SFSWAP: variants seen among roughly 807,000 people sequenced by gnomAD.
SFSWAP encodes the protein splicing factor, suppressor of white-apricot homolog.
In SFSWAP, 17 loss-of-function variants were observed where a neutral mutation model predicts 100.7. That is an observed-to-expected ratio of 0.17 (90% CI 0.12 to 0.25). The LOEUF is 0.25. SFSWAP is among the 10% of genes least tolerant of loss of function. SFSWAP has a pLI of 1.00. For missense variants in SFSWAP, 1,005 were observed against 1,262.6 expected (o/e 0.80, Z 3.09); for synonymous variants, 504 against 510.1 (o/e 0.99, Z 0.16).
chr12:131,727,984 A>G (rs1240318608), intron 6 of SFSWAP, among the ~76,000 whole-genome samples: 1 of 152,234 alleles, frequency 6.6e-6, no homozygotes, highest in Non-Finnish European at 1.5e-5. Context: ...TCCTATAAGG[A>G]AAGACAGTTT....
In SFSWAP at chr12:131,778,464, G is replaced by A; in HGVS notation, c.2408+134G>A. On this transcript the variant is annotated intron_variant, in intron 14 of 17. Coordinates refer to ENST00000261674, the MANE Select transcript of SFSWAP (RefSeq NM_004592.4). This position sits in a 1 kb window ranked among gnomAD's most constrained non-coding sequence, Gnocchi z 4.2. ...AGCAGACGCGTGTATGCATGTGCAT[G>A]TGTGCCCTGCAAGTCCAAGTAAGAT... 1 of 1,334,932 alleles carries A rather than the reference G, an allele frequency of 7.5e-7. No homozygotes were observed. Among genetic ancestry groups the A allele is most frequent in the Non-Finnish European group, 1.0e-6 (1 of 986,298 alleles). 82.7% of individuals were successfully genotyped at this position (1,334,932 alleles called of 1,614,324 possible).
chr12:131,714,193 G>T lies in SFSWAP; in HGVS notation c.341G>T (p.Arg114Met). The change falls in exon 2 of 18, where the codon AGG becomes ATG. Residue 114 changes from arginine (R) to methionine (M), a missense_variant. Around this residue, in one of 7 missense-constraint regions of SFSWAP, gnomAD observed 237 missense variants for 337.0 expected, o/e 0.70. Transcript: ENST00000261674. This position sits in a 1 kb window ranked among gnomAD's most constrained non-coding sequence, Gnocchi z 6.0. ...ARIEALCDEE[R>M]YLALHTDLLE... Reference sequence around the variant, plus strand: ...ATAGAGGCCCTGTGTGATGAAGAGAGGTATTTAGCCTTGCATACGGACTTG... The same window carrying T: ...ATAGAGGCCCTGTGTGATGAAGAGATGTATTTAGCCTTGCATACGGACTTG... 6.2e-7 allele frequency: 1 copy of T among 1,613,818 alleles called. No homozygotes were observed. The highest frequency in any genetic ancestry group is 8.5e-7 in the Non-Finnish European group (1 of 1,179,818).
In SFSWAP at chr12:131,755,382, T is replaced by C. The variant is rs1469411743; in HGVS notation, c.1455-4T>C. 1.2e-6 allele frequency: 2 copies of C among 1,610,968 alleles called. No homozygotes were observed. Among genetic ancestry groups the C allele is most frequent in the Non-Finnish European group, 1.7e-6 (2 of 1,177,460 alleles). On this transcript the variant is annotated splice_polypyrimidine_tract_variant and splice_region_variant and intron_variant, in intron 9 of 17. Coordinates refer to ENST00000261674, the MANE Select transcript of SFSWAP (RefSeq NM_004592.4). ...TGACCCATTTTCTTTCTTTTTCTGC[T>C]CAGATTTGAGTTCCTGCAGCCGTGG...
At chr12:131,782,621 T>C (rs965612323) in intron 14 of SFSWAP, among the ~76,000 whole-genome samples, 1 of 152,200 alleles carries the variant, frequency 6.6e-6, no homozygotes, top group Admixed American at 6.5e-5. Context: ...TGGAATGTAT[T>C]TTGTTTTATA....
At chr12:131,726,746 A>T (rs1313217674) in intron 5 of SFSWAP, among the ~76,000 whole-genome samples, 194 bp from the exon 6 acceptor site, 2 of 152,268 alleles carry the variant, frequency 1.3e-5, no homozygotes, top group Non-Finnish European at 2.9e-5. Context: ...AGGAGTCACC[A>T]AATGGGCAAA....
intron 14 of SFSWAP, among the ~76,000 whole-genome samples, chr12:131,779,216 AAGAGGGCGGCGCGGGTGAGCGTGTG>A (rs1884280246): frequency 1.9e-4 from 28 of 150,556 alleles, no homozygotes; most frequent in Admixed American, 2.6e-4. Flanking sequence ...AGTGTGTGTG[AAGAGGGCGGCGCGGGTGAGCGTGTG>A]TGAAGAGGGC....
intron 11 of SFSWAP, among the ~76,000 whole-genome samples, chr12:131,759,522 G>A (rs1476967207): frequency 3.3e-5 from 5 of 152,140 alleles, no homozygotes; most frequent in East Asian, 3.8e-4. Context: ...ATAGTAGGCC[G>A]GGCGCGGTGG....
chr12:131,771,048 CG>C (rs538870760), intron 13 of SFSWAP, among the ~76,000 whole-genome samples: 2 of 152,176 alleles, frequency 1.3e-5, no homozygotes, highest in Non-Finnish European at 2.9e-5. Context: ...GGTGCTCGGT[CG>C]TGTGCATCTA....
intron 13 of SFSWAP, among the ~76,000 whole-genome samples, chr12:131,775,493 T>C (rs1883948984): frequency 6.6e-6 from 1 of 152,150 alleles, no homozygotes; most frequent in African/African-American, 2.4e-5. Flanking sequence ...GTGCATCAGC[T>C]GATTTCTCTG....
At chr12:131,720,320 T>A (rs1878349498) in intron 4 of SFSWAP, among the ~76,000 whole-genome samples, 1 of 152,236 alleles carries the variant, frequency 6.6e-6, no homozygotes, top group Non-Finnish European at 1.5e-5. Flanking sequence ...GTGAAGAAAC[T>A]GAGACTTAGG....
At chr12:131,731,901 C>CTTTTTTTTTTTT (rs755819493) in intron 7 of SFSWAP, among the ~76,000 whole-genome samples, 1 of 55,310 alleles carries the variant, frequency 1.8e-5, no homozygotes, top group Non-Finnish European at 3.3e-5. Flanking sequence ...TACTATTTTA[C>CTTTTTTTTTTTT]TTTTTTTTTT....
intron 13 of SFSWAP, among the ~76,000 whole-genome samples, chr12:131,775,122 G>A (rs989094331): frequency 5.9e-5 from 9 of 152,140 alleles, no homozygotes; most frequent in African/African-American, 2.2e-4. Context: ...TTAACACAGC[G>A]CCTTACCAAT....
At chr12:131,716,667 A>G (rs1032955667) in intron 3 of SFSWAP, among the ~76,000 whole-genome samples, 1 of 152,256 alleles carries the variant, frequency 6.6e-6, no homozygotes, top group Non-Finnish European at 1.5e-5. Context: ...AGCAATGCTC[A>G]TTTGTTTACA....
chr12:131,750,897 T>C (rs780600971), intron 7 of SFSWAP, among the ~76,000 whole-genome samples: 26,924 of 152,028 alleles, frequency 0.18, 2,983 homozygotes, highest in Non-Finnish European at 0.25. Flanking sequence ...CTGATGGTAT[T>C]GCCCAGGCCT....
chr12:131,754,346 C>T, intron 8 of SFSWAP, 22 bp from the exon 9 acceptor site: 1 of 1,507,812 alleles, frequency 6.6e-7, no homozygotes. Flanking sequence ...GCCCAGGGGT[C>T]TCACAGACTC....
At chr12:131,756,333 G>T in intron 10 of SFSWAP, 140 bp from the exon 11 acceptor site, 2 of 687,724 alleles carry the variant, frequency 2.9e-6, no homozygotes, top group Admixed American at 2.7e-5. Flanking sequence ...ATCTGGATTT[G>T]GAAGTCTGTT....
chr12:131,796,113 ACT>A (rs1194372644), intron 15 of SFSWAP: 1 of 151,186 alleles, frequency 6.6e-6, no homozygotes, highest in East Asian at 2.0e-4. Flanking sequence ...CCATGCAAAG[ACT>A]CTCCAAGAAA....
chr12:131,760,632 G>A (rs1016119124), intron 11 of SFSWAP, among the ~76,000 whole-genome samples: 1 of 152,134 alleles, frequency 6.6e-6, no homozygotes, highest in Non-Finnish European at 1.5e-5. Flanking sequence ...ATACATGGAT[G>A]TTCGTTGTAG....
chr12:131,769,479 C>T (rs1004264179), intron 13 of SFSWAP, among the ~76,000 whole-genome samples: 6 of 152,180 alleles, frequency 3.9e-5, no homozygotes, highest in Non-Finnish European at 5.9e-5. Flanking sequence ...CAGTGAAACT[C>T]AGTCACAAGT....
Sources: gnomAD v4.1 joint callset for allele counts (sites outside exome capture counted in the v4.1 genomes callset) on GRCh38, gnomAD v4.1.1 for gene constraint, gnomAD v4.1.1 regional missense constraint, Gnocchi (gnomAD v3.1) non-coding constraint, MANE v1.5 for transcripts, NCBI Gene and HGNC (gene_info 2026-07-23, HGNC 2026-07-21) for gene names.